The following PODXL2 variants were observed in gnomAD, a reference collection of about 807,000 sequenced individuals.
PODXL2 encodes the protein podocalyxin like 2.
Under a neutral mutation model 53.4 loss-of-function variants are expected in PODXL2, and 17 were observed. The ratio of observed to expected loss-of-function variants is 0.32; its 90% CI spans 0.22 to 0.48. PODXL2 has a LOEUF of 0.48. PODXL2 is among the 20% of genes least tolerant of loss of function. The pLI is 0.99. For missense variants in PODXL2, 673 were observed against 760.0 expected (o/e 0.89, Z 1.35); for synonymous variants, 311 against 306.7 (o/e 1.01, Z -0.15).
At position 127,660,494 on chromosome 3, in the gene PODXL2, T is replaced by C. The variant is rs1406674354; in HGVS notation, c.466T>C (p.Trp156Arg). ...LPKMNLVEPPWHMPPREEEEE... is the reference protein window; with the variant it reads ...LPKMNLVEPPRHMPPREEEEE... ...CAAGATGAATCTGGTTGAGCCTCCC[T>C]GGCATATGCCTCCCAGAGAGGAGGA... Residue 156 changes from tryptophan (W) to arginine (R), a missense_variant, in exon 3 of 8, where the codon TGG becomes CGG. Around this residue, in one of 3 missense-constraint regions of PODXL2, gnomAD observed 588 missense variants for 668.3 expected, o/e 0.88. Coordinates refer to ENST00000342480, the MANE Select transcript of PODXL2 (RefSeq NM_015720.4). 1 of 1,613,896 alleles carries C rather than the reference T, an allele frequency of 6.2e-7. No homozygotes were observed. Among genetic ancestry groups the C allele is most frequent in the East Asian group, 2.2e-5 (1 of 44,880 alleles).
Position 127,668,454 on chromosome 3 carries a change from AG to A in PODXL2, c.1221del (p.Gln407HisfsTer30). The A allele has an allele frequency of 6.5e-7, 1 of 1,544,024 alleles. No homozygotes were observed. The highest frequency in any genetic ancestry group is 8.7e-7 in the Non-Finnish European group (1 of 1,146,364). The part of the protein sequence containing the change: ...TENIDCEVFR[Q>X]HRGPQLLALV... Reference sequence around the variant, plus strand: ...CTGCCCTTGTAGGAGGTGTTCCGGCAGCACCGGGGGCCACAGCTCCTGGCCC... The same window carrying A: ...CTGCCCTTGTAGGAGGTGTTCCGGCACACCGGGGGCCACAGCTCCTGGCCC... On this transcript the variant is annotated frameshift_variant, in exon 5 of 8. Transcript: ENST00000342480. LOFTEE classifies it high-confidence loss of function.
At chr3:127,640,915 A>C (rs955846557) in intron 2 of PODXL2, among the ~76,000 whole-genome samples, 2 of 151,944 alleles carry the variant, frequency 1.3e-5, no homozygotes, top group Admixed American at 1.3e-4. Flanking sequence ...ACATGTTATT[A>C]TTTATTTATT....
chr3:127,642,014 C>T (rs950662919), intron 2 of PODXL2, among the ~76,000 whole-genome samples: 10 of 130 alleles, frequency 0.077, no homozygotes, highest in Admixed American at 0.27. Flanking sequence ...GTATTAGGGC[C>T]GGGCACGTGG....
At position 127,660,463 on chromosome 3, in the gene PODXL2, C is replaced by G. The variant is rs375669252; in HGVS notation, c.435C>G (p.Pro145=). The G allele has an allele frequency of 1.9e-6, 3 of 1,614,100 alleles. No homozygotes were observed. In the African/African-American group the frequency reaches 4.0e-5, roughly 22 times the overall value. The change falls in exon 3 of 8, where the codon CCC becomes CCG. Residue 145 remains proline, a synonymous_variant. Coordinates refer to ENST00000342480, the MANE Select transcript of PODXL2 (RefSeq NM_015720.4). ...AAGAGCTGCCAAACCTCCCCTCTCC[C>G]TTGCCCAAGATGAATCTGGTTGAGC... ...QAQELPNLPS[P]LPKMNLVEPP...
intron 2 of PODXL2, among the ~76,000 whole-genome samples, chr3:127,655,186 AC>A (rs561368843): frequency 2.0e-5 from 3 of 151,402 alleles, no homozygotes; most frequent in African/African-American, 7.3e-5. Flanking sequence ...CAGGTGATCC[AC>A]CCCCCGCTTG....
chr3:127,662,180 CCT>C, intron 3 of PODXL2, 55 bp from the exon 4 acceptor site: 3 of 1,488,764 alleles, frequency 2.0e-6, no homozygotes, highest in South Asian at 1.1e-5. Flanking sequence ...GGCTCTCTCC[CCT>C]GTCCCTTTCC....
chr3:127,658,609 C>T (rs915004832), intron 2 of PODXL2, among the ~76,000 whole-genome samples: 3 of 152,000 alleles, frequency 2.0e-5, no homozygotes, highest in Admixed American at 6.5e-5. Context: ...TAAATTCTTC[C>T]TCTAGGCTAC....
intron 2 of PODXL2, among the ~76,000 whole-genome samples, chr3:127,641,660 T>C (rs1243843201): frequency 6.6e-6 from 1 of 152,062 alleles, no homozygotes; most frequent in Admixed American, 6.5e-5. Context: ...ATCATAGGCA[T>C]GTGCCACCAT....
At chr3:127,630,615 C>T (rs1454320340) in intron 1 of PODXL2, among the ~76,000 whole-genome samples, 2 of 152,150 alleles carry the variant, frequency 1.3e-5, no homozygotes, top group Non-Finnish European at 2.9e-5. Flanking sequence ...GGCAGAATCC[C>T]AGGGTAAATG....
At chr3:127,671,656 G>A (rs1559880910) in intron 7 of PODXL2, 43 bp downstream of exon 7, 9 of 1,579,802 alleles carry the variant, frequency 5.7e-6, no homozygotes, top group Non-Finnish European at 6.9e-6. Context: ...GTTGAGAGGA[G>A]AGTGCCCATC....
chr3:127,631,656 AATT>A (rs2074547526), intron 1 of PODXL2, among the ~76,000 whole-genome samples: 1 of 152,228 alleles, frequency 6.6e-6, no homozygotes, highest in Admixed American at 6.5e-5. Flanking sequence ...AAGGCAGATT[AATT>A]ATTAAGTGCA....
intron 3 of PODXL2, among the ~76,000 whole-genome samples, chr3:127,662,025 T>C (rs1009114579): frequency 6.6e-6 from 1 of 152,162 alleles, no homozygotes; most frequent in Admixed American, 6.5e-5. Context: ...CTCCTCTCAC[T>C]CAATACATTC....
intron 4 of PODXL2, among the ~76,000 whole-genome samples, chr3:127,663,251 C>T (rs938686062): frequency 6.6e-6 from 1 of 152,212 alleles, no homozygotes; most frequent in East Asian, 1.9e-4. Flanking sequence ...GTAACCAGGG[C>T]CCCTATTCCG....
chr3:127,648,900 C>T (rs772874139), intron 2 of PODXL2, among the ~76,000 whole-genome samples: 1 of 145,176 alleles, frequency 6.9e-6, no homozygotes, highest in African/African-American at 2.6e-5. Flanking sequence ...TCAAGCAATT[C>T]TCCTGCCTCA....
intron 2 of PODXL2, among the ~76,000 whole-genome samples, chr3:127,649,331 G>T (rs1054580238): frequency 6.6e-6 from 1 of 152,208 alleles, no homozygotes; most frequent in East Asian, 1.9e-4. Context: ...CCAGTCTTCT[G>T]CTACATGGAC....
intron 2 of PODXL2, among the ~76,000 whole-genome samples, chr3:127,653,994 G>A (rs1358847719): frequency 6.6e-6 from 1 of 152,188 alleles, no homozygotes; most frequent in African/African-American, 2.4e-5. Context: ...AATTAACACT[G>A]ATACAATATG....
Position 127,671,419 on chromosome 3 carries a change from C to T in PODXL2, c.1426-15C>T, listed in dbSNP as rs775563904. 1.2e-6 allele frequency: 2 copies of T among 1,611,568 alleles called. No individual in the cohort carries two copies. The highest frequency in any genetic ancestry group is 2.2e-5 in the East Asian group (1 of 44,788). On this transcript the variant is annotated splice_polypyrimidine_tract_variant and intron_variant, in intron 6 of 7. Transcript: ENST00000342480. ...CAGGACCTCAGCTGAGGAAACTGGC[C>T]CCTCCCACCCCTAGATTGGCATCCA...
chr3:127,660,305 A>AT, intron 2 of PODXL2, 73 bp from the exon 3 acceptor site: 18 of 1,555,642 alleles, frequency 1.2e-5, no homozygotes, highest in Non-Finnish European at 1.5e-5. Flanking sequence ...CTTTTATGCC[A>AT]TCTGCCCAGT....
intron 2 of PODXL2, among the ~76,000 whole-genome samples, chr3:127,657,188 TC>T (rs958184705): frequency 7.2e-5 from 11 of 152,182 alleles, no homozygotes; most frequent in Admixed American, 5.2e-4. Flanking sequence ...TTTAGGGAGT[TC>T]TGTTGGTGCC....
Sources: allele counts gnomAD v4.1 joint callset (sites outside exome capture counted in the v4.1 genomes callset), GRCh38; gene constraint gnomAD v4.1.1; regional missense constraint gnomAD v4.1.1; transcripts MANE v1.5; gene names NCBI Gene and HGNC (gene_info 2026-07-23, HGNC 2026-07-21).